Variants in LRRIQ1 observed in about 807,000 individuals in gnomAD.
The protein encoded by LRRIQ1 is leucine-rich repeat- and IQ domain-containing protein 1.
In LRRIQ1, 210 loss-of-function variants were observed where a neutral mutation model predicts 211.9. That is an observed-to-expected ratio of 0.99 (90% confidence interval 0.89 to 1.11). LRRIQ1 has a LOEUF of 1.11. Among genes scored for constraint, LRRIQ1 ranks in the 50% most tolerant of loss-of-function variants. LRRIQ1 has a pLI of 0.00. For missense variants in LRRIQ1, 2,136 were observed against 1,939.5 expected, an observed-to-expected ratio of 1.10 and a Z score of -1.90; for synonymous variants, 699 against 650.1, an observed-to-expected ratio of 1.08 and a Z score of -1.14.
chr12:85,215,927 C>T (rs1222171606), intron 24 of LRRIQ1, among the ~76,000 whole-genome samples: 1 of 152,118 alleles, frequency 6.6e-6, no homozygotes, highest in Non-Finnish European at 1.5e-5. Context: ...TAATATAGTG[C>T]TTAAACATGT....
At chr12:85,050,976 T>C (rs1880239911) in intron 6 of LRRIQ1, among the ~76,000 whole-genome samples, 2 of 152,226 alleles carry the variant, frequency 1.3e-5, no homozygotes, top group Non-Finnish European at 2.9e-5. Flanking sequence ...CGATGCTTTC[T>C]GATACAGTTT....
intron 19 of LRRIQ1, among the ~76,000 whole-genome samples, chr12:85,142,861 T>C (rs767389510): frequency 5.9e-5 from 9 of 151,596 alleles, no homozygotes; most frequent in Non-Finnish European, 1.2e-4. Context: ...ATGTATCCAT[T>C]GATGGACACA....
At chr12:85,221,294 A>T (rs1403220980) in intron 24 of LRRIQ1, among the ~76,000 whole-genome samples, 1 of 152,130 alleles carries the variant, frequency 6.6e-6, no homozygotes. Flanking sequence ...TACTTTTCTC[A>T]GGGTACTGAG....
At chr12:85,094,382 T>A (rs956584824) in intron 11 of LRRIQ1, among the ~76,000 whole-genome samples, 6 of 152,144 alleles carry the variant, frequency 3.9e-5, no homozygotes, top group Admixed American at 2.0e-4. Flanking sequence ...ATAAAGGCAA[T>A]TTGCTTGAAT....
At chr12:85,161,052 ATC>A (rs768373752) in intron 24 of LRRIQ1, among the ~76,000 whole-genome samples, 3 of 152,078 alleles carry the variant, frequency 2.0e-5, no homozygotes, top group Non-Finnish European at 4.4e-5. Context: ...AGTGGAAGTG[ATC>A]ACATGTCGAA....
In LRRIQ1 at chr12:85,124,282, A is replaced by G; in HGVS notation, c.3770A>G (p.Glu1257Gly). Residue 1257 changes from glutamate (E) to glycine (G), a missense_variant, in exon 17 of 27, where the codon GAG becomes GGG. Coordinates refer to ENST00000393217, the MANE Select transcript of LRRIQ1 (RefSeq NM_001079910.2). ...TTCTACTCTTGTGCACGTGAAGGTG[A>G]GCCAGACTCACCAGATATTCCTGAG... ...GVFYSCAREG[E>G]PDSPDIPEKW... 6.2e-7 allele frequency: 1 copy of G among 1,614,116 alleles called. No individual in the cohort carries two copies. The highest frequency in any genetic ancestry group is 8.5e-7 in the Non-Finnish European group (1 of 1,180,018).
At chr12:85,158,955 T>A (rs1460595401) in intron 23 of LRRIQ1, among the ~76,000 whole-genome samples, 2 of 151,976 alleles carry the variant, frequency 1.3e-5, no homozygotes, top group African/African-American at 4.8e-5. Flanking sequence ...TTTCAGGGAC[T>A]ATCAAAATCA....
intron 3 of LRRIQ1, among the ~76,000 whole-genome samples, chr12:85,043,797 A>G (rs891103522): frequency 5.3e-5 from 8 of 152,140 alleles, no homozygotes; most frequent in Admixed American, 2.6e-4. Context: ...GCTGTCTGCT[A>G]TACTTAAGAA....
In LRRIQ1 at chr12:85,066,786, A is replaced by C; in HGVS notation, c.2583A>C (p.Glu861Asp). ...AGGCTATTGAGTGTGAAAATTTGGA[A>C]AATCTCTGTGTTGTTCTTCTTAATA... ...HIEAIECENL[E>D]NLCVVLLNKN... The change falls in exon 10 of 27, where the codon GAA (glutamate) becomes GAC (aspartate). Residue 861 changes from glutamate to aspartate, a missense_variant. Physicochemically the swap from Glu to Asp is conservative, Grantham distance 45. Coordinates refer to ENST00000393217, the MANE Select transcript of LRRIQ1 (RefSeq NM_001079910.2). 1.9e-6 allele frequency: 3 copies of C among 1,597,558 alleles called. No individual in the cohort carries two copies. The East Asian group carries it at 6.8e-5, about 36-fold the overall frequency.
At chr12:85,260,247 G>A (rs1896246736) in intron 1 of LRRIQ1, among the ~76,000 whole-genome samples, 3 of 151,814 alleles carry the variant, frequency 2.0e-5, no homozygotes, top group Non-Finnish European at 1.5e-5. Context: ...AGCATGTGGA[G>A]GCTTTGGTGA....
intron 3 of LRRIQ1, among the ~76,000 whole-genome samples, chr12:85,044,408 C>T (rs1045500749): frequency 2.6e-5 from 4 of 151,974 alleles, no homozygotes; most frequent in African/African-American, 9.7e-5. Context: ...GATTTCTAAT[C>T]AAGATGCCGT....
intron 10 of LRRIQ1, among the ~76,000 whole-genome samples, chr12:85,069,197 T>G (rs1882796627): frequency 6.6e-6 from 1 of 151,294 alleles, no homozygotes; most frequent in South Asian, 2.1e-4. Flanking sequence ...GGTGTTTGGT[T>G]TTTCGTCCTT....
chr12:85,155,371 C>T (rs1293104542), intron 23 of LRRIQ1, among the ~76,000 whole-genome samples: 1 of 151,496 alleles, frequency 6.6e-6, no homozygotes, highest in Non-Finnish European at 1.5e-5. Flanking sequence ...GAACTGAATG[C>T]TATGTGGTGG....
intron 1 of LRRIQ1, among the ~76,000 whole-genome samples, chr12:85,251,276 C>T (rs1158836809): frequency 6.6e-6 from 1 of 151,496 alleles, no homozygotes; most frequent in African/African-American, 2.4e-5. Flanking sequence ...TTCTTTTTCT[C>T]TTTCCTTTCC....
At chr12:85,255,493 A>G (rs1296888160) in intron 1 of LRRIQ1, among the ~76,000 whole-genome samples, 2 of 151,928 alleles carry the variant, frequency 1.3e-5, no homozygotes, top group South Asian at 2.1e-4. Flanking sequence ...AACTGTGGCC[A>G]ATTTAAACTT....
At position 85,177,197 on chromosome 12, in the gene LRRIQ1, T is replaced by C. The variant is rs182121517; in HGVS notation, c.4822+16483T>C. 7.8e-4 allele frequency among the ~76,000 whole-genome samples: 119 copies of C among 152,278 alleles called. 1 individual carries two copies. Among genetic ancestry groups the C allele is most frequent in the Admixed American group, 3.2e-3 (49 of 15,270 alleles). ...AGATTTAATTCCTTATCTTCCCTAT[T>C]TATTCTACCAGTACATGTTTATTGA... On this transcript the variant is annotated intron_variant, in intron 24 of 26. Coordinates refer to ENST00000393217, the MANE Select transcript of LRRIQ1 (RefSeq NM_001079910.2).
At chr12:85,244,461 A>G (rs370529981) in intron 26 of LRRIQ1, among the ~76,000 whole-genome samples, 1 of 151,684 alleles carries the variant, frequency 6.6e-6, no homozygotes, top group Admixed American at 6.6e-5. Flanking sequence ...ATTAAATAAT[A>G]TACTTGGCAA....
chr12:85,173,238 C>T (rs1368074421), intron 24 of LRRIQ1, among the ~76,000 whole-genome samples: 1 of 152,104 alleles, frequency 6.6e-6, no homozygotes, highest in Non-Finnish European at 1.5e-5. Flanking sequence ...AATACTGTCT[C>T]TGTATTTGAG....
chr12:85,179,786 T>G (rs1891889067), intron 24 of LRRIQ1, among the ~76,000 whole-genome samples: 1 of 151,930 alleles, frequency 6.6e-6, no homozygotes, highest in South Asian at 2.1e-4. Context: ...CTGCAAGTCA[T>G]TCCTAATACA....
Sources: gnomAD v4.1 joint callset for allele counts (sites outside exome capture counted in the v4.1 genomes callset) on GRCh38, gnomAD v4.1.1 for gene constraint, MANE v1.5 for transcripts, NCBI Gene and HGNC (gene_info 2026-07-23, HGNC 2026-07-21) for gene names.